CLCNKA: variants seen among roughly 807,000 people sequenced by gnomAD.
CLCNKA encodes the protein chloride channel protein ClC-Ka.
In CLCNKA, 66 loss-of-function variants were observed where a neutral mutation model predicts 83.3. The observed-to-expected ratio is 0.79, with a 90% CI of 0.65 to 0.97. The LOEUF is 0.97. Ranked by LOEUF, CLCNKA falls within the 50% of genes least tolerant of loss-of-function variation. CLCNKA has a pLI of 0.00. For synonymous variants in CLCNKA, 357 were observed against 370.4 expected (o/e 0.96, Z 0.42); for missense variants, 806 against 888.7 (o/e 0.91, Z 1.18).
Position 16,030,624 on chromosome 1 carries a change from C to A in CLCNKA, c.1572C>A (p.Ile524=). 6.2e-7 allele frequency: 1 copy of A among 1,613,114 alleles called. No individual in the cohort carries two copies. Among genetic ancestry groups the A allele is most frequent in the Non-Finnish European group, 8.5e-7 (1 of 1,180,048 alleles). ...AGCCCTCCTTCTATGATGGCACCAT[C>A]ATTGTCAAGAAGCTGCCATACCTGC... is the stretch of plus-strand genomic sequence containing the variant. The part of the protein sequence containing the change: ...SCQPSFYDGT[I]IVKKLPYLPR... The change falls in exon 15 of 20, where the codon ATC becomes ATA. Residue 524 remains isoleucine (I), a synonymous_variant. Coordinates refer to ENST00000331433, the MANE Select transcript of CLCNKA (RefSeq NM_004070.4).
intron 4 of CLCNKA, among the ~76,000 whole-genome samples, chr1:16,025,846 C>T (rs1179670041): frequency 2.6e-5 from 4 of 152,140 alleles, no homozygotes; most frequent in African/African-American, 9.7e-5. Context: ...CCTCTGCCTC[C>T]CAGGTTCAAG....
At position 16,026,781 on chromosome 1, in the gene CLCNKA, A is replaced by AC. The variant is rs768429352; in HGVS notation, c.655+12dup. The AC allele has an allele frequency of 1.6e-4, 255 of 1,602,846 alleles. No homozygotes were observed. The highest frequency in any genetic ancestry group is 2.7e-4 in the Admixed American group (16 of 59,836). The stretch of plus-strand genomic sequence containing the variant: ...CTTTGCAGCTCCCTTCAGCGGTGAG[A>AC]CCCCCCTCATGCCCCGCCCCCTGGG... On this transcript the variant is annotated splice_region_variant and intron_variant, in intron 7 of 19. Transcript: ENST00000331433.
In CLCNKA at chr1:16,031,791, C is replaced by T. The variant is rs1254197481; in HGVS notation, c.1704C>T (p.Val568=). 1.2e-6 allele frequency: 2 copies of T among 1,613,962 alleles called. No homozygotes were observed. Among genetic ancestry groups the T allele is most frequent in the Admixed American group, 1.7e-5 (1 of 60,016 alleles). The change falls in exon 16 of 20, where the codon GTC becomes GTT. Residue 568 remains valine, a synonymous_variant. Coordinates refer to ENST00000331433, the MANE Select transcript of CLCNKA (RefSeq NM_004070.4). ...AGGACACGCCGCTGGAGGAGGTGGT[C>T]AAGGTTGTGACCTCCACAGACGTGA... The part of the protein sequence containing the change: ...LAKDTPLEEV[V]KVVTSTDVTE...
At chr1:16,029,857 C>T in intron 13 of CLCNKA, 57 bp downstream of exon 13, 2 of 1,608,598 alleles carry the variant, frequency 1.2e-6, no homozygotes, top group African/African-American at 1.3e-5. Flanking sequence ...CAGGGCCATG[C>T]ATCCTGGTTC....
chr1:16,022,616 C>T lies in CLCNKA; in HGVS notation c.-4C>T, dbSNP rs1486618902. On this transcript the variant is annotated 5_prime_UTR_variant, in exon 2 of 20. Transcript: ENST00000331433. ...TTCCCTCCATCTGCTTCTCCAGGGG[C>T]CTGATGGAGGAGTTGGTGGGGCTGC... 9.0e-6 allele frequency: 14 copies of T among 1,560,044 alleles called. No homozygotes were observed. Among genetic ancestry groups the T allele is most frequent in the Non-Finnish European group, 1.2e-5 (14 of 1,151,190 alleles).
At position 16,030,706 on chromosome 1, in the gene CLCNKA, G is replaced by T. The variant is rs777305894; in HGVS notation, c.1622+32G>T. On this transcript the variant is annotated intron_variant, in intron 15 of 19. Transcript: ENST00000331433. ...GGTGCCCACCTCAGGCTGACTGAAG[G>T]GGGTCACAGTGTTTGGGCTTGGCTG... The T allele has an allele frequency of 1.1e-5, 18 of 1,612,526 alleles. No individual in the cohort carries two copies. In the African/African-American group the frequency reaches 2.3e-4, roughly 20 times the overall value.
In CLCNKA at chr1:16,032,190, C is replaced by G. The variant is rs6669935; in HGVS notation, c.1757-13C>G. ...ATAATGCACCTCCCTCCCTCTCCCTCTCTACTTGCCAGAGTCCCAGATCCT... is the reference window on the plus strand; with the variant it reads ...ATAATGCACCTCCCTCCCTCTCCCTGTCTACTTGCCAGAGTCCCAGATCCT... On this transcript the variant is annotated splice_polypyrimidine_tract_variant and intron_variant, in intron 16 of 19. Coordinates refer to ENST00000331433, the MANE Select transcript of CLCNKA (RefSeq NM_004070.4). 0.58 allele frequency: 940,614 copies of G among 1,609,634 alleles called. 279,280 individuals carry two copies. Among genetic ancestry groups the G allele is most frequent in the East Asian group, 0.97 (43,702 of 44,838 alleles).
intron 2 of CLCNKA, 139 bp downstream of exon 2, chr1:16,022,858 G>A: frequency 1.7e-6 from 1 of 594,426 alleles, no homozygotes; most frequent in South Asian, 3.1e-5. Flanking sequence ...TCTCCTGGGT[G>A]GCAGGGAGGG....
chr1:16,031,673 C>T lies in CLCNKA; in HGVS notation c.1623-37C>T, dbSNP rs761020243. The T allele has an allele frequency of 4.0e-5, 65 of 1,613,166 alleles. No homozygotes were observed. In the South Asian group the frequency reaches 5.9e-4, roughly 15 times the overall value. ...CTTGCTGGCCTGGGTCTGACATCCC[C>T]GACTCCGGGACCTGATGGGAGCCCC... On this transcript the variant is annotated intron_variant, in intron 15 of 19. Transcript: ENST00000331433.
At chr1:16,024,005 A>C in intron 3 of CLCNKA, 77 bp downstream of exon 3, 1 of 1,573,954 alleles carries the variant, frequency 6.4e-7, no homozygotes, top group Non-Finnish European at 8.7e-7. Flanking sequence ...TGGGCCACCA[A>C]GTGCAGCGGT....
At position 16,026,228 on chromosome 1, in the gene CLCNKA, C is replaced by A. The variant is rs756404667; in HGVS notation, c.479C>A (p.Thr160Asn). 1 of 1,613,940 alleles carries A rather than the reference C, an allele frequency of 6.2e-7. No individual in the cohort carries two copies. Among genetic ancestry groups the A allele is most frequent in the Admixed American group, 1.7e-5 (1 of 60,000 alleles). ...TCCTGCACCCTGGCCACCGGCAGCA[C>A]CCTGTTCCTGGGCAAAGTGGTATGG... Reference protein sequence around the residue: ...GLSCTLATGSTLFLGKVGPFV... With the variant: ...GLSCTLATGSNLFLGKVGPFV... The change falls in exon 5 of 20, where the codon ACC (threonine) becomes AAC (asparagine). Residue 160 changes from threonine to asparagine, a missense_variant. By Grantham distance (65) the Thr-to-Asn change is moderately conservative. Coordinates refer to ENST00000331433, the MANE Select transcript of CLCNKA (RefSeq NM_004070.4).
intron 3 of CLCNKA, 66 bp downstream of exon 3, chr1:16,023,994 A>C (rs2022242746): frequency 4.4e-6 from 7 of 1,598,844 alleles, no homozygotes; most frequent in Non-Finnish European, 6.0e-6. Flanking sequence ...GGGATACCAG[A>C]TGGGCCACCA....
In CLCNKA at chr1:16,031,785, G is replaced by T; in HGVS notation, c.1698G>T (p.Glu566Asp). Residue 566 changes from glutamate to aspartate, a missense_variant, in exon 16 of 20, where the codon GAG (glutamate) becomes GAT (aspartate). By Grantham distance (45) the Glu-to-Asp change is conservative. Coordinates refer to ENST00000331433, the MANE Select transcript of CLCNKA (RefSeq NM_004070.4). ...TTLAKDTPLEEVVKVVTSTDV... is the reference protein window; with the variant it reads ...TTLAKDTPLEDVVKVVTSTDV... ...TGGCCAAGGACACGCCGCTGGAGGA[G>T]GTGGTCAAGGTTGTGACCTCCACAG... 6.2e-7 allele frequency: 1 copy of T among 1,613,970 alleles called. No individual in the cohort carries two copies. Among genetic ancestry groups the T allele is most frequent in the Non-Finnish European group, 8.5e-7 (1 of 1,180,034 alleles).
intron 3 of CLCNKA, 108 bp downstream of exon 3, chr1:16,024,036 G>A (rs904449381): frequency 6.5e-6 from 9 of 1,383,236 alleles, no homozygotes; most frequent in South Asian, 3.5e-5. Context: ...ACCTGGGTGC[G>A]GGGAGGGCTC....
chr1:16,033,536 G>T (rs1439826642), intron 19 of CLCNKA, 75 bp from the exon 20 acceptor site: 2 of 1,200,472 alleles, frequency 1.7e-6, no homozygotes, highest in South Asian at 1.2e-5. Flanking sequence ...AACCTTAGGG[G>T]ACTAAAAATG....
At chr1:16,024,180 C>G (rs2022253634) in intron 3 of CLCNKA, among the ~76,000 whole-genome samples, 1 of 152,244 alleles carries the variant, frequency 6.6e-6, no homozygotes, top group Non-Finnish European at 1.5e-5. Flanking sequence ...CTCTCTGGCT[C>G]CTCTTCCAGC....
chr1:16,022,747 G>T, intron 2 of CLCNKA, 28 bp downstream of exon 2: 2 of 1,447,836 alleles, frequency 1.4e-6, no homozygotes, highest in Non-Finnish European at 1.9e-6. Context: ...TTCCCTACCC[G>T]CGGGGGACCA....
intron 3 of CLCNKA, among the ~76,000 whole-genome samples, chr1:16,024,531 G>C (rs1472926641): frequency 6.6e-6 from 1 of 152,192 alleles, no homozygotes; most frequent in Non-Finnish European, 1.5e-5. Flanking sequence ...GGAAACTGAG[G>C]CTCAGAGAGG....
intron 12 of CLCNKA, among the ~76,000 whole-genome samples, 186 bp downstream of exon 12, chr1:16,029,485 C>T (rs1392205288): frequency 2.0e-5 from 3 of 152,176 alleles, no homozygotes; most frequent in African/African-American, 7.2e-5. Flanking sequence ...GTCTTCCCAT[C>T]TTTAAAATGG....
Sources: allele counts gnomAD v4.1 joint callset (sites outside exome capture counted in the v4.1 genomes callset), GRCh38; gene constraint gnomAD v4.1.1; transcripts MANE v1.5; gene names NCBI Gene and HGNC (gene_info 2026-07-23, HGNC 2026-07-21).